DRC2: variants seen among roughly 807,000 people sequenced by gnomAD.
The protein encoded by DRC2 is dynein regulatory complex subunit 2, also known as coiled-coil domain containing 65.
At chr12:48,915,942 C>CTGCAATCTCGGCACTTCGGGAGGCCAAG in the DRC2 span, among the ~76,000 whole-genome samples, 1 of 146,918 alleles carries the variant, frequency 6.8e-6, no homozygotes. Context: ...CGGGCAGAGG[C>CTGCAATCTCGGCACTTCGGGAGGCCAAG]GCTCCTCACA....
the DRC2 span, chr12:48,918,690 C>CA: frequency 6.2e-7 from 1 of 1,613,156 alleles, no homozygotes; most frequent in South Asian, 1.1e-5. Context: ...TCTAGGATGC[C>CA]ATAACTATTT....
the DRC2 span, among the ~76,000 whole-genome samples, chr12:48,910,929 C>T: frequency 6.6e-6 from 1 of 152,126 alleles, no homozygotes; most frequent in African/African-American, 2.4e-5. Context: ...CCTATAGTCC[C>T]AGCTACTGGG....
chr12:48,911,962 A>T, the DRC2 span, among the ~76,000 whole-genome samples: 5 of 147,618 alleles, frequency 3.4e-5, no homozygotes, highest in East Asian at 2.0e-4. Flanking sequence ...TAACTGATTT[A>T]AAAAAAAAAA....
chr12:48,913,542 G>T, the DRC2 span, among the ~76,000 whole-genome samples: 1 of 152,030 alleles, frequency 6.6e-6, no homozygotes. Flanking sequence ...ACCCGGGCTG[G>T]AGTGCAGTGG....
chr12:48,920,174 GCTCACAC>G, the DRC2 span, among the ~76,000 whole-genome samples: 4 of 149,310 alleles, frequency 2.7e-5, no homozygotes, highest in Non-Finnish European at 5.9e-5. Flanking sequence ...GGGCGCAGTG[GCTCACAC>G]CTGTAATCCC....
At chr12:48,907,151 C>T in the DRC2 span, among the ~76,000 whole-genome samples, 1 of 152,124 alleles carries the variant, frequency 6.6e-6, no homozygotes, top group South Asian at 2.1e-4. Flanking sequence ...GGAGGTGGAG[C>T]TTGCAGTGAG....
At chr12:48,917,853 G>A in the DRC2 span, among the ~76,000 whole-genome samples, 1 of 152,188 alleles carries the variant, frequency 6.6e-6, no homozygotes, top group East Asian at 1.9e-4. Flanking sequence ...CACAGACCTA[G>A]GTTTGGGTAT....
At chr12:48,912,537 G>A in the DRC2 span, among the ~76,000 whole-genome samples, 50 of 151,368 alleles carry the variant, frequency 3.3e-4, 1 homozygote, top group South Asian at 0.01. Flanking sequence ...CATTCTAAGG[G>A]GCGGGAAGCA....
the DRC2 span, among the ~76,000 whole-genome samples, chr12:48,920,111 T>TAAA: frequency 1.1e-3 from 35 of 32,058 alleles, 3 homozygotes; most frequent in South Asian, 7.6e-3. Context: ...AGACCCTGTC[T>TAAA]AAAAAAAAAA....
At chr12:48,916,236 G>A in the DRC2 span, among the ~76,000 whole-genome samples, 3 of 152,160 alleles carry the variant, frequency 2.0e-5, no homozygotes, top group African/African-American at 4.8e-5. Context: ...CACTTCGGGA[G>A]GCCAAGGCAG....
chr12:48,911,861 A>G, the DRC2 span, among the ~76,000 whole-genome samples: 1 of 152,084 alleles, frequency 6.6e-6, no homozygotes, highest in Non-Finnish European at 1.5e-5. Flanking sequence ...ACTCAGAGCT[A>G]TATAGGAAAG....
chr12:48,920,441 T>TTAA, the DRC2 span, among the ~76,000 whole-genome samples: 23 of 67,812 alleles, frequency 3.4e-4, 2 homozygotes, highest in African/African-American at 1.1e-3. Context: ...AACTCCATCT[T>TTAA]AAAAAAAAAA....
chr12:48,915,788 C>G, the DRC2 span, among the ~76,000 whole-genome samples: 3 of 150,800 alleles, frequency 2.0e-5, no homozygotes, highest in Admixed American at 1.3e-4. Context: ...CTGACCCCCC[C>G]ACCTCCCTCC....
At chr12:48,908,609 T>TA in the DRC2 span, among the ~76,000 whole-genome samples, 2 of 136,318 alleles carry the variant, frequency 1.5e-5, no homozygotes, top group Non-Finnish European at 3.1e-5. Context: ...TTATTATTAT[T>TA]TATTTATTTA....
the DRC2 span, chr12:48,920,888 C>T: frequency 6.4e-7 from 1 of 1,567,672 alleles, no homozygotes; most frequent in Non-Finnish European, 8.6e-7. Flanking sequence ...CTTCCCTCTT[C>T]ACTCCCTTTC....
the DRC2 span, chr12:48,917,230 C>A: frequency 9.0e-7 from 1 of 1,108,616 alleles, no homozygotes; most frequent in Non-Finnish European, 1.3e-6. Context: ...GCAGGAGGAT[C>A]ACTTGAGACT....
the DRC2 span, chr12:48,916,948 GAC>G: frequency 1.2e-6 from 2 of 1,611,874 alleles, no homozygotes; most frequent in South Asian, 2.2e-5. Flanking sequence ...TCAGAGCAGG[GAC>G]AGTGTCTTGT....
chr12:48,908,289 G>T, the DRC2 span, among the ~76,000 whole-genome samples: 14 of 152,116 alleles, frequency 9.2e-5, no homozygotes, highest in East Asian at 5.8e-4. Context: ...CTGGCCTCAA[G>T]CAGTCCTCCC....
At chr12:48,916,643 A>ACCATG in the DRC2 span, among the ~76,000 whole-genome samples, 1 of 151,856 alleles carries the variant, frequency 6.6e-6, no homozygotes, top group Non-Finnish European at 1.5e-5. Context: ...GGAGAGGGAG[A>ACCATG]GGGAGAGGGA....
Sources: allele counts gnomAD v4.1 joint callset (sites outside exome capture counted in the v4.1 genomes callset), GRCh38; gene constraint gnomAD v4.1.1; transcripts MANE v1.5; gene names NCBI Gene and HGNC (gene_info 2026-07-23, HGNC 2026-07-21).